CYP3A5: variants seen among roughly 807,000 people sequenced by gnomAD.
CYP3A5 encodes cytochrome P450 3A5.
A neutral mutation model predicts 55.9 loss-of-function variants in CYP3A5; 51 were observed. The ratio of observed to expected loss-of-function variants is 0.91; its 90% CI spans 0.73 to 1.15. CYP3A5 has a LOEUF of 1.15. CYP3A5 is among the 50% of genes most tolerant of loss of function. The pLI, the probability that CYP3A5 is intolerant of heterozygous loss-of-function variation, is 0.00. For missense variants in CYP3A5, 533 were observed against 596.6 expected, an observed-to-expected ratio of 0.89 and a Z score of 1.11; for synonymous variants, 196 against 213.9, an observed-to-expected ratio of 0.92 and a Z score of 0.73.
chr7:99,672,824 A>C, intron 3 of CYP3A5, 145 bp from the exon 4 acceptor site: 7 of 1,480,922 alleles, frequency 4.7e-6, no homozygotes, highest in Admixed American at 2.4e-5. Flanking sequence ...GTTCTAGTTC[A>C]TTAGGGTGTG....
At chr7:99,664,168 C>G in intron 7 of CYP3A5, 73 bp from the exon 8 acceptor site, 1 of 1,188,964 alleles carries the variant, frequency 8.4e-7, no homozygotes, top group East Asian at 2.4e-5. Flanking sequence ...TTATAATTTT[C>G]TCTACCAGTA....
intron 4 of CYP3A5, among the ~76,000 whole-genome samples, chr7:99,669,096 A>G (rs999780318): frequency 8.5e-5 from 13 of 152,348 alleles, no homozygotes; most frequent in Admixed American, 3.3e-4. Context: ...TAATTCCAGA[A>G]TGGCTTCCAC....
At chr7:99,672,720 G>T (rs8175346) in intron 3 of CYP3A5, 41 bp from the exon 4 acceptor site, 27,368 of 1,611,512 alleles carry the variant, frequency 0.017, 253 homozygotes, top group Non-Finnish European at 0.019. Context: ...TCACTAGCCC[G>T]ATTCTGCAGC....
intron 9 of CYP3A5, among the ~76,000 whole-genome samples, chr7:99,661,174 G>A (rs1810405052): frequency 6.6e-6 from 1 of 152,092 alleles, no homozygotes; most frequent in African/African-American, 2.4e-5. Flanking sequence ...GACCAATACT[G>A]AGCTACAGAT....
chr7:99,667,187 C>A (rs999527488), intron 4 of CYP3A5, 122 bp from the exon 5 acceptor site: 15 of 778,232 alleles, frequency 1.9e-5, no homozygotes. Context: ...GATATTATGG[C>A]AAGCCATATT....
chr7:99,664,488 C>T (rs1014328642), intron 7 of CYP3A5, among the ~76,000 whole-genome samples: 1 of 152,184 alleles, frequency 6.6e-6, no homozygotes, highest in African/African-American at 2.4e-5. Context: ...TGTACATCAA[C>T]TTCCATGGAA....
chr7:99,665,155 A>G lies in CYP3A5; in HGVS notation c.670+11T>C, dbSNP rs1296221692. Reference sequence around the variant, plus strand: ...TTTTAAAAAGAGAGAAAGAAATAATAGCCCACATACTTATTGAGAGAAATA... The same window carrying G: ...TTTTAAAAAGAGAGAAAGAAATAATGGCCCACATACTTATTGAGAGAAATA... On this transcript the variant is annotated intron_variant, in intron 7 of 12. Coordinates refer to ENST00000222982, the MANE Select transcript of CYP3A5 (RefSeq NM_000777.5). 3 of 1,579,216 alleles carry G rather than the reference A, an allele frequency of 1.9e-6. No individual in the cohort carries two copies. The highest frequency in any genetic ancestry group is 1.2e-5 in the South Asian group (1 of 86,194).
At position 99,652,698 on chromosome 7, in the gene CYP3A5, C is replaced by G. The variant is rs1344247227; in HGVS notation, c.1108G>C (p.Ala370Pro). The change falls in exon 11 of 13, where the codon GCT (alanine) becomes CCT (proline). Residue 370 changes from alanine to proline, a missense_variant. Transcript: ENST00000222982. ...TTGCAAGTCCTCTCAAGTCTAATAG[C>G]AACTGGGAATAATCTGAGTGTTTCA... Reference protein sequence around the residue: ...VNETLRLFPVAIRLERTCKKD... With the variant: ...VNETLRLFPVPIRLERTCKKD... The G allele has an allele frequency of 6.2e-7, 1 of 1,613,994 alleles. No homozygotes were observed. The highest frequency in any genetic ancestry group is 8.5e-7 in the Non-Finnish European group (1 of 1,180,022).
Position 99,672,644 on chromosome 7 carries a change from G to C in CYP3A5, c.254C>G (p.Thr85Arg), listed in dbSNP as rs981228083. ...CACTGTTCTGATCACGTCGGGATCTGTGATGGCCAGCACAGGGAGTTGACC... is the reference window on the plus strand; with the variant it reads ...CACTGTTCTGATCACGTCGGGATCTCTGATGGCCAGCACAGGGAGTTGACC... The part of the protein sequence containing the change: ...YEGQLPVLAI[T>R]DPDVIRTVLV... The change falls in exon 4 of 13, where the codon ACA becomes AGA. Residue 85 changes from threonine to arginine, a missense_variant. Coordinates refer to ENST00000222982, the MANE Select transcript of CYP3A5 (RefSeq NM_000777.5). The C allele has an allele frequency of 4.3e-6, 7 of 1,614,014 alleles. No individual in the cohort carries two copies. Among genetic ancestry groups the C allele is most frequent in the Admixed American group, 1.7e-5 (1 of 60,002 alleles).
intron 4 of CYP3A5, among the ~76,000 whole-genome samples, chr7:99,670,546 C>T (rs1349586703): frequency 3.3e-5 from 5 of 152,102 alleles, no homozygotes; most frequent in Admixed American, 6.5e-5. Context: ...CATTTTCAGT[C>T]GACATATATA....
intron 1 of CYP3A5, chr7:99,676,476 C>G (rs1812297228): frequency 1.4e-6 from 2 of 1,414,798 alleles, no homozygotes; most frequent in Non-Finnish European, 1.9e-6. Flanking sequence ...TAAATGTCCT[C>G]AAATGCTCCT....
intron 10 of CYP3A5, chr7:99,660,245 T>TTTTTTA: frequency 2.7e-6 from 2 of 738,716 alleles, no homozygotes; most frequent in Non-Finnish European, 3.3e-6. Context: ...TTTTTTTTTT[T>TTTTTTA]ACTTAGCATT....
intron 10 of CYP3A5, among the ~76,000 whole-genome samples, chr7:99,654,087 T>C (rs1039395053): frequency 6.7e-6 from 1 of 149,864 alleles, no homozygotes; most frequent in Non-Finnish European, 1.5e-5. Flanking sequence ...GTTTTTGAAT[T>C]TTTTTTTTTA....
intron 6 of CYP3A5, 23 bp from the exon 7 acceptor site, chr7:99,665,337 A>G (rs1163688429): frequency 6.2e-7 from 1 of 1,613,642 alleles, no homozygotes; most frequent in African/African-American, 1.3e-5. Context: ...AGATATGGAA[A>G]ATTAAAATCA....
At chr7:99,649,923 TG>T in intron 12 of CYP3A5, 149 bp downstream of exon 12, 1 of 992,550 alleles carries the variant, frequency 1.0e-6, no homozygotes. Flanking sequence ...AGTCCAGAAC[TG>T]AAGCATCCTT....
At position 99,662,687 on chromosome 7, in the gene CYP3A5, C is replaced by G. The variant is rs1323156475; in HGVS notation, c.865+129G>C. ...TGCCTCCAGCTACCATTTATAACAT[C>G]TAAATGTGTGTTGTTCTGCTATGTG... is the stretch of plus-strand genomic sequence containing the variant. On this transcript the variant is annotated intron_variant, in intron 9 of 12. Coordinates refer to ENST00000222982, the MANE Select transcript of CYP3A5 (RefSeq NM_000777.5). The surrounding 1 kb of genome is among the most constrained non-coding windows in gnomAD (Gnocchi z 4.3). 7 of 860,390 alleles carry G rather than the reference C, an allele frequency of 8.1e-6. No individual in the cohort carries two copies. The highest frequency in any genetic ancestry group is 1.3e-5 in the Non-Finnish European group (7 of 535,160). 53.3% of individuals were successfully genotyped at this position (860,390 alleles called of 1,614,324 possible).
At chr7:99,660,721 T>A in intron 9 of CYP3A5, 62 bp from the exon 10 acceptor site, 7 of 1,570,050 alleles carry the variant, frequency 4.5e-6, no homozygotes, top group South Asian at 1.1e-5. Context: ...ACAGCTTAGA[T>A]GAAATCTAAG....
At chr7:99,668,965 T>C (rs1268501508) in intron 4 of CYP3A5, among the ~76,000 whole-genome samples, 1 of 152,248 alleles carries the variant, frequency 6.6e-6, no homozygotes, top group African/African-American at 2.4e-5. Context: ...GTGTTTAATA[T>C]TATTTAGAAG....
intron 4 of CYP3A5, 85 bp downstream of exon 4, chr7:99,672,495 C>A (rs1471802182): frequency 8.3e-7 from 1 of 1,202,510 alleles, no homozygotes; most frequent in East Asian, 2.3e-5. Flanking sequence ...TTTTAGGTAA[C>A]CTTCTGTGAA....
Sources: gnomAD v4.1 joint callset for allele counts (sites outside exome capture counted in the v4.1 genomes callset) on GRCh38, gnomAD v4.1.1 for gene constraint, Gnocchi (gnomAD v3.1) non-coding constraint, MANE v1.5 for transcripts, NCBI Gene and HGNC (gene_info 2026-07-23, HGNC 2026-07-21) for gene names.